BSND: variants seen among roughly 807,000 people sequenced by gnomAD.
BSND encodes the protein barttin.
BSND carries 13 observed loss-of-function variants against 18.8 expected under a neutral mutation model. That is an observed-to-expected ratio of 0.69 (90% CI 0.45 to 1.10). The LOEUF (loss-of-function observed/expected upper bound fraction) is 1.10. Ranked by LOEUF, BSND falls within the 50% of genes least tolerant of loss-of-function variation. The probability of loss-of-function intolerance (pLI) is 0.00; values close to 1 mark genes in which losing one functional copy is unlikely to be tolerated. For missense variants in BSND, 379 were observed against 416.7 expected (o/e 0.91, Z 0.79); for synonymous variants, 170 against 161.8 (o/e 1.05, Z -0.39).
Position 54,999,196 on chromosome 1 carries a change from G to A in BSND, c.10G>A (p.Glu4Lys), listed in dbSNP as rs121908145. Reference protein sequence around the residue: MADEKTFRIGFIVL... With the variant: MADKKTFRIGFIVL... ...GACTGGCCAGGCAGCCATGGCTGAC[G>A]AGAAGACCTTCCGGATCGGCTTCAT... is the stretch of plus-strand genomic sequence containing the variant. Residue 4 changes from glutamate (E) to lysine (K), a missense_variant, in exon 1 of 4, where the codon GAG becomes AAG. Transcript: ENST00000651561. The A allele has an allele frequency of 3.8e-5, 62 of 1,614,088 alleles. No homozygotes were observed. Among genetic ancestry groups the A allele is most frequent in the East Asian group, 3.8e-4 (17 of 44,876 alleles).
intron 1 of BSND, among the ~76,000 whole-genome samples, chr1:55,003,746 G>A (rs1644374741): frequency 1.3e-5 from 2 of 152,332 alleles, no homozygotes; most frequent in Non-Finnish European, 2.9e-5. Flanking sequence ...TTACTGAGTA[G>A]TTACTATGTG....
In BSND at chr1:55,011,860, G is replaced by A. The variant is rs1035206119; in HGVS notation, c.*3232G>A. On this transcript the variant is annotated 3_prime_UTR_variant, in exon 4 of 4. Transcript: ENST00000651561. ...GCCTCTGGGGCACCCCCTCTCCACT[G>A]GGAGAGGGGCAAGGTGCTGGTGAAG... The A allele has an allele frequency of 1.3e-5, 2 of 152,402 alleles. No homozygotes were observed. The highest frequency in any genetic ancestry group is 4.1e-4 in the South Asian group (2 of 4,828). The allele number at this position is 152,402 out of a possible 1,614,324, so 9.4% of individuals were successfully genotyped here.
rs975737193 is a variant in BSND at position 55,008,492 on chromosome 1, A to G, written c.827A>G (p.Glu276Gly). 1 of 1,614,090 alleles carries G rather than the reference A, an allele frequency of 6.2e-7. No individual in the cohort carries two copies. Among genetic ancestry groups the G allele is most frequent in the Non-Finnish European group, 8.5e-7 (1 of 1,180,036 alleles). The change falls in exon 4 of 4, where the codon GAG becomes GGG. Residue 276 changes from glutamate to glycine, a missense_variant. Transcript: ENST00000651561. Reference protein sequence around the residue: ...NWQRYPRTKVEEKEASDTGGE... With the variant: ...NWQRYPRTKVGEKEASDTGGE... ...CAGCGGTACCCAAGGACAAAGGTGG[A>G]GGAGAAGGAGGCTTCGGACACAGGT...
rs1174683294 is a variant in BSND, at chr1:55,011,267, GA to G, written c.*2641del. 1 of 152,176 alleles carries G rather than the reference GA, an allele frequency of 6.6e-6. No homozygotes were observed. The highest frequency in any genetic ancestry group is 2.4e-5 in the African/African-American group (1 of 41,394). The allele number at this position is 152,176 out of a possible 1,614,324, so 9.4% of individuals were successfully genotyped here. Reference sequence around the variant, plus strand: ...GAGACCACACACCTGATCTGCCCAGGAAGGTCCCGGTTGACACCGACTGCCT... The same window carrying G: ...GAGACCACACACCTGATCTGCCCAGGAGGTCCCGGTTGACACCGACTGCCT... On this transcript the variant is annotated 3_prime_UTR_variant, in exon 4 of 4. Transcript: ENST00000651561.
At position 55,008,806 on chromosome 1, in the gene BSND, G is replaced by C. The variant is rs1372258163; in HGVS notation, c.*178G>C. ...GGATGATGACTATTAGTGGACTCTT[G>C]TTTTTCCAATAGTTAGTGGTCTTTG... On this transcript the variant is annotated 3_prime_UTR_variant, in exon 4 of 4. Transcript: ENST00000651561. 1 of 936,556 alleles carries C rather than the reference G, an allele frequency of 1.1e-6. No homozygotes were observed. The highest frequency in any genetic ancestry group is 2.6e-5 in the East Asian group (1 of 37,912). The allele number at this position is 936,556 out of a possible 1,614,324, so 58.0% of individuals were successfully genotyped here.
chr1:55,000,006 A>G (rs1644353726), intron 1 of BSND, among the ~76,000 whole-genome samples: 1 of 152,160 alleles, frequency 6.6e-6, no homozygotes. Flanking sequence ...CTGGTTTGGG[A>G]GTCCTGAGTT....
chr1:55,004,936 A>C, intron 1 of BSND, 86 bp from the exon 2 acceptor site: 1 of 1,256,120 alleles, frequency 8.0e-7, no homozygotes, highest in Non-Finnish European at 1.2e-6. Flanking sequence ...CCCAGAGCTC[A>C]TGGAGAGGTT....
rs192295261 is a variant in BSND, at chr1:55,014,087, A to C, written c.*5459A>C. ...CTGAATGACTAGCTGTGTGAGTACC[A>C]GTCTCCCCACATGGACTGGGAGGTC... On this transcript the variant is annotated 3_prime_UTR_variant, in exon 4 of 4. Coordinates refer to ENST00000651561, the MANE Select transcript of BSND (RefSeq NM_057176.3). Among the ~76,000 whole-genome samples, 351 of 152,340 alleles carry C rather than the reference A, an allele frequency of 2.3e-3. 2 individuals are homozygous for C. The highest frequency in any genetic ancestry group is 3.4e-3 in the Non-Finnish European group (232 of 68,034).
Position 55,016,751 on chromosome 1 carries a change from C to A in BSND, c.*8123C>A, listed in dbSNP as rs1485673392. On this transcript the variant is annotated 3_prime_UTR_variant, in exon 4 of 4. Transcript: ENST00000651561. The stretch of plus-strand genomic sequence containing the variant: ...TGCCTGGCTTTATCCTGATAATTTA[C>A]CCTAAGGAAGAAATCAGACAACTGT... Among the ~76,000 whole-genome samples, 3 of 152,110 alleles carry A rather than the reference C, an allele frequency of 2.0e-5. No individual in the cohort carries two copies. The highest frequency in any genetic ancestry group is 7.2e-5 in the African/African-American group (3 of 41,408).
intron 2 of BSND, 109 bp downstream of exon 2, chr1:55,005,225 C>G: frequency 1.1e-6 from 1 of 909,342 alleles, no homozygotes; most frequent in Non-Finnish European, 1.7e-6. Context: ...TTCTCACTTA[C>G]TGAGAATGTA....
chr1:55,015,092 T>G lies in BSND; in HGVS notation c.*6464T>G, dbSNP rs1220281161. 1.3e-5 allele frequency among the ~76,000 whole-genome samples: 2 copies of G among 152,132 alleles called. No individual in the cohort carries two copies. The highest frequency in any genetic ancestry group is 3.9e-4 in the East Asian group (2 of 5,194). On this transcript the variant is annotated 3_prime_UTR_variant, in exon 4 of 4. Coordinates refer to ENST00000651561, the MANE Select transcript of BSND (RefSeq NM_057176.3). ...TGGGCAAGGGGGATTAATTGATGAT[T>G]CTTGAGCAGAGGAGTGACATGAAAG... is the stretch of plus-strand genomic sequence containing the variant.
rs1322389579 is a variant in BSND, at chr1:55,015,350, G to A, written c.*6722G>A. 1.3e-5 allele frequency among the ~76,000 whole-genome samples: 2 copies of A among 152,202 alleles called. No individual in the cohort carries two copies. The highest frequency in any genetic ancestry group is 2.9e-5 in the Non-Finnish European group (2 of 68,034). Reference sequence around the variant, plus strand: ...CCAGCAGAGCAGGGCAGGGAACCCTGTGGCAGAGGCTGTTGCTTCCCGCCA... The same window carrying A: ...CCAGCAGAGCAGGGCAGGGAACCCTATGGCAGAGGCTGTTGCTTCCCGCCA... On this transcript the variant is annotated 3_prime_UTR_variant, in exon 4 of 4. Transcript: ENST00000651561.
In BSND at chr1:54,999,157, G is replaced by A; in HGVS notation, c.-30G>A. The A allele has an allele frequency of 6.2e-7, 1 of 1,613,044 alleles. No homozygotes were observed. The highest frequency in any genetic ancestry group is 8.5e-7 in the Non-Finnish European group (1 of 1,179,960). ...ACTACAGCCACCCCCTCTCCCGGGG[G>A]TGTGCAGGCCAGGGACTGGCCAGGC... On this transcript the variant is annotated 5_prime_UTR_variant, in exon 1 of 4. In the 5' UTR this introduces an upstream ATG that the reference lacks. Coordinates refer to ENST00000651561, the MANE Select transcript of BSND (RefSeq NM_057176.3).
At position 55,008,575 on chromosome 1, in the gene BSND, G is replaced by C; in HGVS notation, c.910G>C (p.Gly304Arg). 1 of 1,614,108 alleles carries C rather than the reference G, an allele frequency of 6.2e-7. No individual in the cohort carries two copies. Among genetic ancestry groups the C allele is most frequent in the South Asian group, 1.1e-5 (1 of 91,064 alleles). Residue 304 changes from glycine to arginine, a missense_variant, in exon 4 of 4, where the codon GGG becomes CGG. Coordinates refer to ENST00000651561, the MANE Select transcript of BSND (RefSeq NM_057176.3). ...DLYYGLPDGA[G>R]DLLPDKELGF... The stretch of plus-strand genomic sequence containing the variant: ...GTACTATGGGCTGCCAGATGGAGCC[G>C]GGGACCTCCTCCCGGACAAGGAGCT...
At position 54,999,353 on chromosome 1, in the gene BSND, G is replaced by T. The variant is rs1447524775; in HGVS notation, c.167G>T (p.Cys56Phe). 6.2e-7 allele frequency: 1 copy of T among 1,609,864 alleles called. No individual in the cohort carries two copies. Among genetic ancestry groups the T allele is most frequent in the Admixed American group, 1.7e-5 (1 of 59,966 alleles). The change falls in exon 1 of 4, where the codon TGC becomes TTC. Residue 56 changes from cysteine (C) to phenylalanine (F), a missense_variant. Cys to Phe is a radical substitution (Grantham distance 205). Transcript: ENST00000651561. ...IGGIIWSMCQ[C>F]YPKITFVPAD... is the part of the protein sequence containing the mutation. The stretch of plus-strand genomic sequence containing the variant: ...GGCATCATCTGGAGCATGTGCCAGT[G>T]CTACCCCAAGGTAGGTGGTAGTGGG...
intron 1 of BSND, among the ~76,000 whole-genome samples, chr1:55,001,135 G>C (rs1167311199): frequency 6.6e-6 from 1 of 152,048 alleles, no homozygotes; most frequent in East Asian, 1.9e-4. Context: ...CTGTGACCTT[G>C]GCAGAAAGAG....
At position 55,015,897 on chromosome 1, in the gene BSND, G is replaced by T. The variant is rs998630272; in HGVS notation, c.*7269G>T. On this transcript the variant is annotated 3_prime_UTR_variant, in exon 4 of 4. Transcript: ENST00000651561. ...CACCAAGCTATGTCCTGAAGGATTC[G>T]CTAGGGAAGAGCAGGGAGGGAGAAC... Among the ~76,000 whole-genome samples, 1 of 152,198 alleles carries T rather than the reference G, an allele frequency of 6.6e-6. No homozygotes were observed. Among genetic ancestry groups the T allele is most frequent in the Non-Finnish European group, 1.5e-5 (1 of 68,038 alleles).
Position 55,013,908 on chromosome 1 carries a change from C to A in BSND, c.*5280C>A, listed in dbSNP as rs1347416517. On this transcript the variant is annotated 3_prime_UTR_variant, in exon 4 of 4. Coordinates refer to ENST00000651561, the MANE Select transcript of BSND (RefSeq NM_057176.3). ...CATGCTGTTCCCTCCACCCAGGTGC[C>A]CTTCATCCCCTTCTCTGTCATCCCT... is the stretch of plus-strand genomic sequence containing the variant. Among the ~76,000 whole-genome samples, 1 of 152,186 alleles carries A rather than the reference C, an allele frequency of 6.6e-6. No homozygotes were observed. Among genetic ancestry groups the A allele is most frequent in the East Asian group, 1.9e-4 (1 of 5,198 alleles).
At chr1:55,001,243 TG>T (rs1644360197) in intron 1 of BSND, among the ~76,000 whole-genome samples, 1 of 141,084 alleles carries the variant, frequency 7.1e-6, no homozygotes. Flanking sequence ...TGTGTGTGTG[TG>T]TTGGGGGAGA....
Sources: gnomAD v4.1 joint callset for allele counts (sites outside exome capture counted in the v4.1 genomes callset) on GRCh38, gnomAD v4.1.1 for gene constraint, MANE v1.5 for transcripts, NCBI Gene and HGNC (gene_info 2026-07-23, HGNC 2026-07-21) for gene names.